The following FRY variants were observed in gnomAD, a reference collection of about 807,000 sequenced individuals.
FRY encodes protein furry homolog.
FRY carries 128 observed loss-of-function variants against 348.4 expected under a neutral mutation model. The observed-to-expected ratio is 0.37, with a 90% CI of 0.32 to 0.43. The LOEUF (loss-of-function observed/expected upper bound fraction) is 0.43. Among genes scored for constraint, FRY ranks in the 20% least tolerant of loss-of-function variants. The pLI is 1.00. For synonymous variants in FRY, 1,370 were observed against 1,374.7 expected (o/e 1.00, Z 0.08); for missense variants, 2,736 against 3,695.2 (o/e 0.74, Z 6.73).
At chr13:32,286,036 T>C (rs1432454072) in intron 58 of FRY, among the ~76,000 whole-genome samples, 1 of 152,186 alleles carries the variant, frequency 6.6e-6, no homozygotes, top group Non-Finnish European at 1.5e-5. Flanking sequence ...CATAATATAA[T>C]ATGCATCAAT....
At chr13:32,272,852 C>T (rs1888273924) in intron 55 of FRY, among the ~76,000 whole-genome samples, 2 of 152,004 alleles carry the variant, frequency 1.3e-5, no homozygotes, top group African/African-American at 4.8e-5. Context: ...TCTCCTGCCT[C>T]AGCCTCCCAA....
intron 55 of FRY, among the ~76,000 whole-genome samples, 177 bp from the exon 56 acceptor site, chr13:32,274,665 C>T (rs1216195109): frequency 7.8e-6 from 1 of 128,624 alleles, no homozygotes; most frequent in African/African-American, 3.0e-5. Flanking sequence ...GATCGCGCCA[C>T]TGCACTCCAG....
At chr13:32,213,012 C>G (rs971756582) in intron 35 of FRY, among the ~76,000 whole-genome samples, 3 of 151,980 alleles carry the variant, frequency 2.0e-5, no homozygotes, top group Non-Finnish European at 2.9e-5. Context: ...GAGAGAAAAA[C>G]AAAACTCAAT....
At chr13:32,211,463 AAAAG>A (rs1462344200) in intron 34 of FRY, among the ~76,000 whole-genome samples, 2 of 152,340 alleles carry the variant, frequency 1.3e-5, no homozygotes, top group East Asian at 3.9e-4. Context: ...TATCTCAAAA[AAAAG>A]AGAATAACTG....
At chr13:32,184,572 G>A (rs751915555) in intron 24 of FRY, 28 bp from the exon 25 acceptor site, 2 of 1,396,990 alleles carry the variant, frequency 1.4e-6, no homozygotes, top group Admixed American at 3.3e-5. Flanking sequence ...GCCTGTGTCT[G>A]TAAGTGATAC....
At chr13:32,168,126 C>A (rs1219926776) in intron 17 of FRY, among the ~76,000 whole-genome samples, 1 of 152,114 alleles carries the variant, frequency 6.6e-6, no homozygotes, top group Non-Finnish European at 1.5e-5. Flanking sequence ...GGGGGGCCAG[C>A]AAGCTGGAGA....
At chr13:32,091,028 A>G (rs961409003) in intron 2 of FRY, among the ~76,000 whole-genome samples, 2 of 152,084 alleles carry the variant, frequency 1.3e-5, no homozygotes, top group Non-Finnish European at 2.9e-5. Context: ...CCTTGGATTT[A>G]TTTGTGCTGT....
At chr13:32,182,888 T>C in intron 23 of FRY, 89 bp from the exon 24 acceptor site, 1 of 813,550 alleles carries the variant, frequency 1.2e-6, no homozygotes, top group Non-Finnish European at 2.1e-6. Flanking sequence ...AAAAAGCAAG[T>C]GATTTGGGAT....
chr13:32,249,749 C>G, intron 49 of FRY, 62 bp downstream of exon 49: 1 of 1,436,418 alleles, frequency 7.0e-7, no homozygotes, highest in Non-Finnish European at 9.7e-7. Context: ...GTCCATGTGG[C>G]TGGGTCATAA....
intron 46 of FRY, among the ~76,000 whole-genome samples, chr13:32,243,722 C>T (rs1886629793): frequency 1.3e-5 from 2 of 152,280 alleles, no homozygotes; most frequent in South Asian, 4.1e-4. Context: ...CATATTTACA[C>T]CTCCACACAT....
intron 7 of FRY, among the ~76,000 whole-genome samples, chr13:32,128,878 G>A (rs983572809): frequency 6.6e-6 from 1 of 152,214 alleles, no homozygotes; most frequent in African/African-American, 2.4e-5. Flanking sequence ...TACGGATTCA[G>A]TAGGTGTATT....
At chr13:32,205,086 C>T (rs548489022) in intron 31 of FRY, among the ~76,000 whole-genome samples, 1 of 152,048 alleles carries the variant, frequency 6.6e-6, no homozygotes, top group Admixed American at 6.6e-5. Context: ...GCCTGTAGTC[C>T]CAGCTACTCA....
chr13:32,233,327 A>G (rs764162720), intron 41 of FRY, among the ~76,000 whole-genome samples: 1 of 152,166 alleles, frequency 6.6e-6, no homozygotes, highest in Non-Finnish European at 1.5e-5. Flanking sequence ...GAGACAGCCT[A>G]AGTCTCTGTT....
At chr13:32,180,346 T>C (rs1447408461) in intron 23 of FRY, among the ~76,000 whole-genome samples, 1 of 152,186 alleles carries the variant, frequency 6.6e-6, no homozygotes, top group African/African-American at 2.4e-5. Context: ...GCGATTCTCC[T>C]GCCTCAGCCT....
intron 42 of FRY, among the ~76,000 whole-genome samples, chr13:32,235,441 C>T (rs958988509): frequency 3.9e-5 from 6 of 152,148 alleles, no homozygotes; most frequent in Non-Finnish European, 7.3e-5. Flanking sequence ...CTGGCCAACA[C>T]GGTGAAACCC....
At chr13:32,109,479 C>A (rs1482270409) in intron 3 of FRY, among the ~76,000 whole-genome samples, 1 of 152,082 alleles carries the variant, frequency 6.6e-6, no homozygotes, top group African/African-American at 2.4e-5. Flanking sequence ...CAAGAAGCAA[C>A]CAAGGAGCAG....
intron 16 of FRY, among the ~76,000 whole-genome samples, chr13:32,158,881 G>GCATTC (rs1451484277): frequency 7.1e-6 from 1 of 141,126 alleles, no homozygotes; most frequent in East Asian, 2.2e-4. Context: ...TTGCACCACT[G>GCATTC]CATTCCAGCC....
At chr13:32,116,521 C>T (rs894127051) in intron 3 of FRY, among the ~76,000 whole-genome samples, 13 of 152,162 alleles carry the variant, frequency 8.5e-5, no homozygotes, top group Non-Finnish European at 1.5e-4. Flanking sequence ...CTTATGGGGC[C>T]GTACCTAAGA....
chr13:32,052,082 G>C (rs1408504019), intron 1 of FRY, among the ~76,000 whole-genome samples: 4 of 152,188 alleles, frequency 2.6e-5, no homozygotes, highest in Non-Finnish European at 1.5e-5. Context: ...ACAAACTCCA[G>C]AGATGGAAAA....
Sources: allele counts gnomAD v4.1 joint callset (sites outside exome capture counted in the v4.1 genomes callset), GRCh38; gene constraint gnomAD v4.1.1; transcripts MANE v1.5; gene names NCBI Gene and HGNC (gene_info 2026-07-23, HGNC 2026-07-21).